Variants in ATP6V0C observed in about 807,000 individuals in gnomAD.
The protein encoded by ATP6V0C is V-type proton ATPase 16 kDa proteolipid subunit c.
ATP6V0C carries 2 observed loss-of-function variants against 10.6 expected under a neutral mutation model. The ratio of observed to expected loss-of-function variants is 0.19; its 90% CI spans 0.08 to 0.59. The LOEUF (loss-of-function observed/expected upper bound fraction) is 0.59. Among genes scored for constraint, ATP6V0C ranks in the 20% least tolerant of loss-of-function variants. The pLI is 0.90. For synonymous variants in ATP6V0C, 128 were observed against 101.3 expected, an observed-to-expected ratio of 1.26 and a Z score of -1.59; for missense variants, 89 against 225.9, an observed-to-expected ratio of 0.39 and a Z score of 3.88.
intron 1 of ATP6V0C, among the ~76,000 whole-genome samples, chr16:2,515,259 A>C (rs2065871622): frequency 6.6e-6 from 1 of 152,042 alleles, no homozygotes; most frequent in Admixed American, 6.6e-5. Flanking sequence ...GTTCTGGCCC[A>C]GTCTCAGCCT....
intron 1 of ATP6V0C, among the ~76,000 whole-genome samples, chr16:2,518,686 C>T (rs1035838443): frequency 6.6e-6 from 1 of 152,172 alleles, no homozygotes; most frequent in Non-Finnish European, 1.5e-5. Context: ...GGGAGCTTGG[C>T]CTGGGCAGTG....
chr16:2,515,425 T>G (rs995237269), intron 1 of ATP6V0C, among the ~76,000 whole-genome samples: 14 of 152,230 alleles, frequency 9.2e-5, no homozygotes, highest in Non-Finnish European at 1.9e-4. Context: ...CTCTGCTGAC[T>G]GTAAACACCT....
chr16:2,514,684 G>GC (rs1276515449), intron 1 of ATP6V0C, among the ~76,000 whole-genome samples: 1 of 152,202 alleles, frequency 6.6e-6, no homozygotes. Flanking sequence ...GAGGTCCTCA[G>GC]CCCTCGCCCT....
At chr16:2,518,926 G>A in intron 1 of ATP6V0C, 1 of 405,204 alleles carries the variant, frequency 2.5e-6, no homozygotes. Flanking sequence ...TGCAGAGCCA[G>A]GAGCCCCAGA....
chr16:2,519,887 G>C lies in ATP6V0C; in HGVS notation c.*142G>C. ...CATGCGCAGTGTCCTAGTGCCCATC[G>C]TCTGTTTCCCCGGCCTTGCCCCCGC... On this transcript the variant is annotated 3_prime_UTR_variant, in exon 3 of 3. Coordinates refer to ENST00000330398, the MANE Select transcript of ATP6V0C (RefSeq NM_001694.4). 1.1e-5 allele frequency: 13 copies of C among 1,196,556 alleles called. No individual in the cohort carries two copies. Among genetic ancestry groups the C allele is most frequent in the East Asian group, 2.5e-5 (1 of 39,948 alleles). 74.1% of individuals were successfully genotyped at this position (1,196,556 alleles called of 1,614,324 possible). A position where few individuals can be genotyped will look rare whatever the true frequency, so the allele number is the denominator to read the frequency against.
chr16:2,518,836 C>T (rs2065891259), intron 1 of ATP6V0C, among the ~76,000 whole-genome samples: 1 of 152,210 alleles, frequency 6.6e-6, no homozygotes, highest in South Asian at 2.1e-4. Context: ...GGCAGTAGCC[C>T]CAAGGGTCGA....
At position 2,514,009 on chromosome 16, in the gene ATP6V0C, C is replaced by T; in HGVS notation, c.-95C>T. On this transcript the variant is annotated 5_prime_UTR_variant, in exon 1 of 3. Coordinates refer to ENST00000330398, the MANE Select transcript of ATP6V0C (RefSeq NM_001694.4). ...CTGACGGGCCGGATCGCCTTCGCCGCCGCCCGCCCGCAAACCTTCGTGCCC... is the reference window on the plus strand; with the variant it reads ...CTGACGGGCCGGATCGCCTTCGCCGTCGCCCGCCCGCAAACCTTCGTGCCC... 5.8e-6 allele frequency: 7 copies of T among 1,200,002 alleles called. No homozygotes were observed. Among genetic ancestry groups the T allele is most frequent in the South Asian group, 2.9e-5 (2 of 69,276 alleles). 74.3% of individuals were successfully genotyped at this position (1,200,002 alleles called of 1,614,324 possible). A position where few individuals can be genotyped will look rare whatever the true frequency, so the allele number is the denominator to read the frequency against.
At position 2,519,815 on chromosome 16, in the gene ATP6V0C, C is replaced by T; in HGVS notation, c.*70C>T. 2 of 1,570,638 alleles carry T rather than the reference C, an allele frequency of 1.3e-6. No homozygotes were observed. The highest frequency in any genetic ancestry group is 2.3e-5 in the East Asian group (1 of 44,312). ...CCCCTCCTCATTCCAGAACGAACAG[C>T]CTGACACATACGCACGGGGCCGCCG... On this transcript the variant is annotated 3_prime_UTR_variant, in exon 3 of 3. Transcript: ENST00000330398.
intron 1 of ATP6V0C, 39 bp downstream of exon 1, chr16:2,514,221 C>G (rs912172811): frequency 3.3e-6 from 5 of 1,514,320 alleles, no homozygotes; most frequent in Admixed American, 4.1e-5. Context: ...GGCGGGGGCG[C>G]GCGCGTTGCT....
At chr16:2,514,233 A>T in intron 1 of ATP6V0C, 51 bp downstream of exon 1, 3 of 1,489,872 alleles carry the variant, frequency 2.0e-6, no homozygotes, top group Non-Finnish European at 2.7e-6. Flanking sequence ...CGCGTTGCTC[A>T]TGCCCGCAGC....
chr16:2,520,040 A>G lies in ATP6V0C; in HGVS notation c.*295A>G, dbSNP rs980517245. The G allele has an allele frequency of 2.2e-5, 14 of 650,824 alleles. No individual in the cohort carries two copies. The highest frequency in any genetic ancestry group is 3.6e-5 in the African/African-American group (2 of 55,704). The allele number at this position is 650,824 out of a possible 1,614,324, so 40.3% of individuals were successfully genotyped here. A position where few individuals can be genotyped will look rare whatever the true frequency, so the allele number is the denominator to read the frequency against. On this transcript the variant is annotated 3_prime_UTR_variant, in exon 3 of 3. Transcript: ENST00000330398. ...ATTTCTCTTTACTGGATGTTTATTT[A>G]TAAAGATCTGGCCTGTTCCTGCGTC... is the stretch of plus-strand genomic sequence containing the variant.
chr16:2,514,077 G>A lies in ATP6V0C; in HGVS notation c.-27G>A. 1.3e-6 allele frequency: 2 copies of A among 1,552,064 alleles called. No homozygotes were observed. The highest frequency in any genetic ancestry group is 1.7e-6 in the Non-Finnish European group (2 of 1,149,498). On this transcript the variant is annotated 5_prime_UTR_variant, in exon 1 of 3. Transcript: ENST00000330398. ...GCCTCCGCCACCGCCTCGGCCCGCA[G>A]AGCTTGCCCCCTCCCCACCCGCAGA...
Position 2,514,155 on chromosome 16 carries a change from G to A in ATP6V0C, c.52G>A (p.Gly18Ser). The A allele has an allele frequency of 6.3e-7, 1 of 1,586,672 alleles. No homozygotes were observed. The highest frequency in any genetic ancestry group is 8.6e-7 in the Non-Finnish European group (1 of 1,167,490). Reference sequence around the variant, plus strand: ...GTATGCTTCGTTTTTCGCCGTCATGGGCGCCTCGGCCGCCATGGTCTTCAG... The same window carrying A: ...GTATGCTTCGTTTTTCGCCGTCATGAGCGCCTCGGCCGCCATGGTCTTCAG... The part of the protein sequence containing the change: ...PEYASFFAVM[G>S]ASAAMVFSAL... The change falls in exon 1 of 3, where the codon GGC (glycine) becomes AGC (serine). Residue 18 changes from glycine (G) to serine (S), a missense_variant. By Grantham distance (56) the Gly-to-Ser change is moderately conservative. Transcript: ENST00000330398.
Position 2,513,975 on chromosome 16 carries a change from G to C in ATP6V0C, c.-129G>C, listed in dbSNP as rs1268019527. 1 of 793,898 alleles carries C rather than the reference G, an allele frequency of 1.3e-6. No homozygotes were observed. The highest frequency in any genetic ancestry group is 2.9e-5 in the Admixed American group (1 of 34,244). The allele number at this position is 793,898 out of a possible 1,614,324, so 49.2% of individuals were successfully genotyped here. On this transcript the variant is annotated 5_prime_UTR_variant, in exon 1 of 3. Transcript: ENST00000330398. The stretch of plus-strand genomic sequence containing the variant: ...TTGTTCTGCGGTGCTGGTATTTAGA[G>C]CGCAGCGGCTGACGGGCCGGATCGC...
chr16:2,516,681 A>T (rs1402565240), intron 1 of ATP6V0C: 1 of 152,242 alleles, frequency 6.6e-6, no homozygotes, highest in African/African-American at 2.4e-5. Context: ...TTCTTTCTTC[A>T]TCATGTCCTT....
At chr16:2,516,480 G>A (rs1005713301) in intron 1 of ATP6V0C, among the ~76,000 whole-genome samples, 6 of 152,064 alleles carry the variant, frequency 3.9e-5, no homozygotes, top group Non-Finnish European at 5.9e-5. Context: ...CTGCTGTGCC[G>A]ACCTAAACAA....
In ATP6V0C at chr16:2,514,022, A is replaced by G; in HGVS notation, c.-82A>G. 7.5e-7 allele frequency: 1 copy of G among 1,340,576 alleles called. No homozygotes were observed. Among genetic ancestry groups the G allele is most frequent in the South Asian group, 1.3e-5 (1 of 75,362 alleles). 83.0% of individuals were successfully genotyped at this position (1,340,576 alleles called of 1,614,324 possible). On this transcript the variant is annotated 5_prime_UTR_variant, in exon 1 of 3. Coordinates refer to ENST00000330398, the MANE Select transcript of ATP6V0C (RefSeq NM_001694.4). ...TCGCCTTCGCCGCCGCCCGCCCGCA[A>G]ACCTTCGTGCCCGGCCCGTCCTCGC...
chr16:2,517,733 GTGTGTGTGTGTGTGTGTGTGTC>G (rs1243138555), intron 1 of ATP6V0C: 1 of 152,552 alleles, frequency 6.6e-6, no homozygotes, highest in African/African-American at 2.4e-5. Flanking sequence ...GTGTGTGTGT[GTGTGTGTGTGTGTGTGTGTGTC>G]TGTCAGAGAT....
chr16:2,520,208 C>T lies in ATP6V0C; in HGVS notation c.*463C>T. ...GCGCGGAGCTGTGTCCAATAAAGTT[C>T]TTGGATGTGACGGGCCTGTGTCTGC... On this transcript the variant is annotated 3_prime_UTR_variant, in exon 3 of 3. Transcript: ENST00000330398. 1 of 433,664 alleles carries T rather than the reference C, an allele frequency of 2.3e-6. No homozygotes were observed. The highest frequency in any genetic ancestry group is 6.4e-4 in the Middle Eastern group (1 of 1,562). 26.9% of individuals were successfully genotyped at this position (433,664 alleles called of 1,614,324 possible).
Sources: allele counts gnomAD v4.1 joint callset (sites outside exome capture counted in the v4.1 genomes callset), GRCh38; gene constraint gnomAD v4.1.1; transcripts MANE v1.5; gene names NCBI Gene and HGNC (gene_info 2026-07-23, HGNC 2026-07-21).